ACAN: variants seen among roughly 807,000 people sequenced by gnomAD.
The protein encoded by ACAN is aggrecan.
In ACAN, 47 loss-of-function variants were observed where a neutral mutation model predicts 169.1. The ratio of observed to expected loss-of-function variants is 0.28; its 90% CI spans 0.22 to 0.35. The LOEUF (loss-of-function observed/expected upper bound fraction) is 0.35. Among genes scored for constraint, ACAN ranks in the 10% least tolerant of loss-of-function variants. ACAN has a pLI of 1.00. For synonymous variants in ACAN, 1,115 were observed against 1,112.2 expected, an observed-to-expected ratio of 1.00 and a Z score of -0.05; for missense variants, 2,716 against 2,759.9, an observed-to-expected ratio of 0.98 and a Z score of 0.36.
Position 88,849,604 on chromosome 15 carries a change from C to G in ACAN, c.1899C>G (p.Arg633=), listed in dbSNP as rs1388532379. 1 of 1,610,678 alleles carries G rather than the reference C, an allele frequency of 6.2e-7. No homozygotes were observed. The highest frequency in any genetic ancestry group is 8.5e-7 in the Non-Finnish European group (1 of 1,178,858). ...YAGWLADGSL[R]YPIVTPRPAC... ...GCTGGCTGGCCGACGGCAGCCTCCG[C>G]TACCCCATCGTCACCCCAAGGCCTG... Residue 633 remains arginine (R), a synonymous_variant, in exon 10 of 19, where the codon CGC becomes CGG. Transcript: ENST00000560601. The surrounding 1 kb of genome is among the most constrained non-coding windows in gnomAD (Gnocchi z 5.1).
intron 11 of ACAN, among the ~76,000 whole-genome samples, chr15:88,853,145 G>A (rs189973974): frequency 6.6e-6 from 1 of 152,282 alleles, no homozygotes; most frequent in African/African-American, 2.4e-5. Flanking sequence ...GTCCTCTTTG[G>A]CATCGGGGTG....
chr15:88,833,012 G>A (rs1330404395), intron 1 of ACAN, among the ~76,000 whole-genome samples: 2 of 152,188 alleles, frequency 1.3e-5, no homozygotes, highest in South Asian at 2.1e-4. Context: ...TAAGCAGTAG[G>A]CGTCCACCCA....
In ACAN at chr15:88,874,409, C is replaced by T; in HGVS notation, c.7635C>T (p.Thr2545=). The T allele has an allele frequency of 1.2e-6, 2 of 1,604,044 alleles. No individual in the cohort carries two copies. The highest frequency in any genetic ancestry group is 1.7e-6 in the Non-Finnish European group (2 of 1,175,740). ...EEPQITCTDP[T]TYKRRLQKRS... is the part of the protein sequence containing the mutation. ...TCCATCTCCCTTTCGTCCTAGCCAC[C>T]ACCTACAAACGCAGACTACAGAAGC... The change falls in exon 19 of 19, where the codon ACC becomes ACT. Residue 2545 remains threonine, a synonymous_variant. Coordinates refer to ENST00000560601, the MANE Select transcript of ACAN (RefSeq NM_001369268.1). The surrounding 1 kb of genome is among the most constrained non-coding windows in gnomAD (Gnocchi z 7.3).
In ACAN at chr15:88,831,003, G is replaced by A. The variant is rs1896347041; in HGVS notation, c.-7-5197G>A. Among the ~76,000 whole-genome samples the A allele has an allele frequency of 2.6e-5, 4 of 152,206 alleles. No homozygotes were observed. In the South Asian group the frequency reaches 6.2e-4, roughly 24 times the overall value. On this transcript the variant is annotated intron_variant, in intron 1 of 18. Transcript: ENST00000560601. The stretch of plus-strand genomic sequence containing the variant: ...TTATGTGGCCCATGGCTGTAGTTAC[G>A]TCCAGTAGTATGCTGGTAAATCCAC...
intron 1 of ACAN, among the ~76,000 whole-genome samples, chr15:88,808,700 C>T (rs961608296): frequency 2.6e-5 from 4 of 152,148 alleles, no homozygotes; most frequent in Non-Finnish European, 5.9e-5. Context: ...CAGCACAGCC[C>T]CCGCCCACAT....
At position 88,807,747 on chromosome 15, in the gene ACAN, A is replaced by AGTGTGTGTGTGT. The variant is rs33937048; in HGVS notation, c.-8+3966_-8+3977dup. 3.1e-3 allele frequency among the ~76,000 whole-genome samples: 445 copies of AGTGTGTGTGTGT among 142,076 alleles called. 4 individuals carry two copies. Among genetic ancestry groups the AGTGTGTGTGTGT allele is most frequent in the East Asian group, 6.7e-3 (31 of 4,648 alleles). The allele number at this position is 142,076 out of a possible 152,430, so 93.2% of individuals were successfully genotyped here. ...CTCAGAGCCTCCTTATAAGTGGTGG[A>AGTGTGTGTGTGT]GTGTGTGTGTGTGTGTGTGTGTGTG... On this transcript the variant is annotated intron_variant, in intron 1 of 18. Transcript: ENST00000560601. This position sits in a 1 kb window ranked among gnomAD's most constrained non-coding sequence, Gnocchi z 4.0.
Position 88,873,690 on chromosome 15 carries a change from G to T in ACAN, c.7448-152G>T, listed in dbSNP as rs1181119253. On this transcript the variant is annotated intron_variant, in intron 17 of 18. Coordinates refer to ENST00000560601, the MANE Select transcript of ACAN (RefSeq NM_001369268.1). This position sits in a 1 kb window ranked among gnomAD's most constrained non-coding sequence, Gnocchi z 7.5. ...TTGAGGAACCCAGATGTTACAGCCA[G>T]CGGCTTCCAGATTCTTAGCGCTGCA... is the stretch of plus-strand genomic sequence containing the variant. 2 of 751,692 alleles carry T rather than the reference G, an allele frequency of 2.7e-6. No homozygotes were observed. The highest frequency in any genetic ancestry group is 4.2e-6 in the Non-Finnish European group (2 of 472,236). The allele number at this position is 751,692 out of a possible 1,614,324, so 46.6% of individuals were successfully genotyped here. A position where few individuals can be genotyped will look rare whatever the true frequency, so the allele number is the denominator to read the frequency against.
At position 88,847,837 on chromosome 15, in the gene ACAN, G is replaced by A. The variant is rs961389552; in HGVS notation, c.1605-74G>A. The A allele has an allele frequency of 2.0e-6, 3 of 1,529,358 alleles. No individual in the cohort carries two copies. The African/African-American group carries it at 4.1e-5, about 21-fold the overall frequency. The allele number at this position is 1,529,358 out of a possible 1,614,324, so 94.7% of individuals were successfully genotyped here. On this transcript the variant is annotated intron_variant, in intron 8 of 18. Coordinates refer to ENST00000560601, the MANE Select transcript of ACAN (RefSeq NM_001369268.1). ...TCTCCAAGTCCCTGAGTAGCCTCTG[G>A]CCTCAGCCCAGGGCCGTGCATCTAC...
rs368681276 is a variant in ACAN, at chr15:88,874,461, C to A, written c.7687C>A (p.Arg2563Ser). 1.9e-6 allele frequency: 3 copies of A among 1,604,956 alleles called. No homozygotes were observed. Among genetic ancestry groups the A allele is most frequent in the African/African-American group, 2.7e-5 (2 of 74,756 alleles). The change falls in exon 19 of 19, where the codon CGC becomes AGC. Residue 2563 changes from arginine to serine, a missense_variant. Arg to Ser is a moderately radical substitution (Grantham distance 110, BLOSUM62 -1). Around this residue, in one of 3 missense-constraint regions of ACAN, gnomAD observed 1,389 missense variants for 1,363.7 expected, o/e 1.02. Coordinates refer to ENST00000560601, the MANE Select transcript of ACAN (RefSeq NM_001369268.1). This position sits in a 1 kb window ranked among gnomAD's most constrained non-coding sequence, Gnocchi z 7.3. ...GAGCTCACGGCACCCTCGGAGGAGCCGCCCCAGCACAGCCCACTGAGAAGA... is the reference window on the plus strand; with the variant it reads ...GAGCTCACGGCACCCTCGGAGGAGCAGCCCCAGCACAGCCCACTGAGAAGA... ...KRSSRHPRRS[R>S]PSTAH
chr15:88,873,360 A>G lies in ACAN; in HGVS notation c.7447+335A>G, dbSNP rs1897428150. Among the ~76,000 whole-genome samples the G allele has an allele frequency of 6.6e-6, 1 of 152,168 alleles. No individual in the cohort carries two copies. Among genetic ancestry groups the G allele is most frequent in the East Asian group, 1.9e-4 (1 of 5,194 alleles). ...TACCCACAAGGGCCCCCAGATGGGG[A>G]GCCTCCCTGTCTTTGGGATTCCCAA... On this transcript the variant is annotated intron_variant, in intron 17 of 18. Coordinates refer to ENST00000560601, the MANE Select transcript of ACAN (RefSeq NM_001369268.1). The surrounding 1 kb of genome is among the most constrained non-coding windows in gnomAD (Gnocchi z 7.5).
At position 88,855,480 on chromosome 15, in the gene ACAN, C is replaced by T. The variant is rs762737019; in HGVS notation, c.2895C>T (p.Thr965=). Residue 965 remains threonine, a synonymous_variant, in exon 12 of 19, where the codon ACC becomes ACT. Coordinates refer to ENST00000560601, the MANE Select transcript of ACAN (RefSeq NM_001369268.1). ...TTCCTTCTGGAGAAGTTCTAGAGACCTCTGCCTCTGGAGTAGGAGACCTCA... is the reference window on the plus strand; with the variant it reads ...TTCCTTCTGGAGAAGTTCTAGAGACTTCTGCCTCTGGAGTAGGAGACCTCA... ...SGLPSGEVLE[T]SASGVGDLSG... The T allele has an allele frequency of 1.1e-5, 18 of 1,613,272 alleles. No individual in the cohort carries two copies. Among genetic ancestry groups the T allele is most frequent in the African/African-American group, 5.3e-5 (4 of 74,850 alleles).
Position 88,869,249 on chromosome 15 carries a change from G to A in ACAN, c.7060+920G>A, listed in dbSNP as rs958418401. 1.3e-5 allele frequency among the ~76,000 whole-genome samples: 2 copies of A among 152,186 alleles called. No individual in the cohort carries two copies. Among genetic ancestry groups the A allele is most frequent in the African/African-American group, 4.8e-5 (2 of 41,438 alleles). ...GCCCAGACAGAACTGGAAGTGTGTA[G>A]GGGCTTAAAATCCTTTTCAATGAAC... On this transcript the variant is annotated intron_variant, in intron 14 of 18. Coordinates refer to ENST00000560601, the MANE Select transcript of ACAN (RefSeq NM_001369268.1). This position sits in a 1 kb window ranked among gnomAD's most constrained non-coding sequence, Gnocchi z 4.2.
chr15:88,859,494 C>T, intron 12 of ACAN, 77 bp downstream of exon 12: 2 of 1,542,834 alleles, frequency 1.3e-6, no homozygotes, highest in Non-Finnish European at 1.8e-6. Flanking sequence ...AAGGAGGCAG[C>T]ATAGCTTTAA....
rs767714238 is a variant in ACAN, at chr15:88,840,078, C to T, written c.521C>T (p.Ala174Val). 5.0e-6 allele frequency: 8 copies of T among 1,603,094 alleles called. No homozygotes were observed. The highest frequency in any genetic ancestry group is 3.4e-5 in the Admixed American group (2 of 58,756). ...CTCGACTTTGACAGGGCGCAGCGGG[C>T]CTGCCTGCAGAACAGTGCCATCATT... ...YTLDFDRAQR[A>V]CLQNSAIIAT... Residue 174 changes from alanine (A) to valine (V), a missense_variant, in exon 4 of 19, where the codon GCC (alanine) becomes GTC (valine). By Grantham distance (64) the Ala-to-Val change is moderately conservative. Around this residue, in one of 3 missense-constraint regions of ACAN, gnomAD observed 1,283 missense variants for 1,281.5 expected, o/e 1.00. Transcript: ENST00000560601.
At position 88,840,202 on chromosome 15, in the gene ACAN, T is replaced by A. The variant is rs1387420032; in HGVS notation, c.629+16T>A. The A allele has an allele frequency of 1.3e-6, 2 of 1,574,738 alleles. No individual in the cohort carries two copies. Among genetic ancestry groups the A allele is most frequent in the South Asian group, 1.2e-5 (1 of 85,440 alleles). On this transcript the variant is annotated intron_variant, in intron 4 of 18. Transcript: ENST00000560601. ...AGACTGTCAGGTGAGCCCTAGCCCA[T>A]CAGCTAGTGGGGGCCAGGAGTCAGC...
chr15:88,836,340 G>A, intron 2 of ACAN, 64 bp downstream of exon 2: 2 of 1,388,496 alleles, frequency 1.4e-6, no homozygotes, highest in Non-Finnish European at 2.0e-6. Context: ...TTGAGTACTG[G>A]GTACTGAACC....
rs1462610714 is a variant in ACAN, at chr15:88,866,117, A to G, written c.6947-2099A>G. 6.6e-6 allele frequency among the ~76,000 whole-genome samples: 1 copy of G among 151,880 alleles called. No homozygotes were observed. The highest frequency in any genetic ancestry group is 2.4e-5 in the African/African-American group (1 of 41,342). Reference sequence around the variant, plus strand: ...GAAAGCAACGCTCCCCCTCACCCCAACTTGGGCAGCCTGGGAGCAGGTTTT... The same window carrying G: ...GAAAGCAACGCTCCCCCTCACCCCAGCTTGGGCAGCCTGGGAGCAGGTTTT... On this transcript the variant is annotated intron_variant, in intron 13 of 18. Coordinates refer to ENST00000560601, the MANE Select transcript of ACAN (RefSeq NM_001369268.1). The surrounding 1 kb of genome is among the most constrained non-coding windows in gnomAD (Gnocchi z 5.6).
At chr15:88,813,332 G>A (rs977637423) in intron 1 of ACAN, among the ~76,000 whole-genome samples, 1 of 152,222 alleles carries the variant, frequency 6.6e-6, no homozygotes, top group African/African-American at 2.4e-5. Flanking sequence ...TCTTTTGAAA[G>A]CCACTGATAT....
intron 1 of ACAN, among the ~76,000 whole-genome samples, chr15:88,812,163 T>C (rs528481111): frequency 6.6e-6 from 1 of 152,090 alleles, no homozygotes; most frequent in East Asian, 1.9e-4. Flanking sequence ...ATCTAGGCCC[T>C]CCCCATCTGC....
Sources: allele counts gnomAD v4.1 joint callset (sites outside exome capture counted in the v4.1 genomes callset), GRCh38; gene constraint gnomAD v4.1.1; regional missense constraint gnomAD v4.1.1; non-coding constraint Gnocchi (gnomAD v3.1); transcripts MANE v1.5; gene names NCBI Gene and HGNC (gene_info 2026-07-23, HGNC 2026-07-21).